The following TNS1 variants were observed in gnomAD, a reference collection of about 807,000 sequenced individuals.
The protein encoded by TNS1 is tensin-1.
In TNS1, 62 loss-of-function variants were observed where a neutral mutation model predicts 168.6. The ratio of observed to expected loss-of-function variants is 0.37; its 90% CI spans 0.30 to 0.45. The LOEUF is 0.45. TNS1 is among the 20% of genes least tolerant of loss of function. The pLI is 1.00. For synonymous variants in TNS1, 934 were observed against 933.2 expected (o/e 1.00, Z -0.02); for missense variants, 2,240 against 2,339.4 (o/e 0.96, Z 0.88).
chr2:218,002,357 T>C (rs549081373), intron 1 of TNS1, among the ~76,000 whole-genome samples: 2 of 152,260 alleles, frequency 1.3e-5, no homozygotes, highest in South Asian at 4.1e-4. Flanking sequence ...AGGGATGGAC[T>C]CTGAGAATTC....
chr2:217,841,906 T>A (rs757988146), intron 19 of TNS1: 1 of 588,122 alleles, frequency 1.7e-6, no homozygotes, highest in Non-Finnish European at 3.0e-6. Context: ...GTCCTTAAGA[T>A]GAACCTTCTC....
At chr2:217,967,101 C>T (rs574616631) in intron 3 of TNS1, among the ~76,000 whole-genome samples, 81 of 152,236 alleles carry the variant, frequency 5.3e-4, no homozygotes, top group South Asian at 3.5e-3. Flanking sequence ...GGGCGGATCA[C>T]GAGGTCAGGA....
intron 4 of TNS1, among the ~76,000 whole-genome samples, chr2:217,911,066 G>A (rs1355718824): frequency 6.6e-6 from 1 of 152,154 alleles, no homozygotes; most frequent in Admixed American, 6.5e-5. Flanking sequence ...GGGATGAAGT[G>A]GGTGGAGGCC....
intron 18 of TNS1, among the ~76,000 whole-genome samples, chr2:217,855,496 A>G (rs1948022773): frequency 6.6e-6 from 1 of 152,092 alleles, no homozygotes; most frequent in Non-Finnish European, 1.5e-5. Flanking sequence ...CAGAATGGTC[A>G]TTACTGATGT....
At chr2:218,012,649 A>G (rs1958716109), upstream of TNS1, among the ~76,000 whole-genome samples, 1 of 150,424 alleles carries the variant, frequency 6.6e-6, no homozygotes, top group Non-Finnish European at 1.5e-5. Flanking sequence ...CCCACCCCCC[A>G]TACCCCATAT....
chr2:217,943,087 GGGA>G (rs1391621046), intron 3 of TNS1, among the ~76,000 whole-genome samples: 10 of 152,142 alleles, frequency 6.6e-5, no homozygotes, highest in African/African-American at 2.2e-4. Context: ...TGGGGGGAGA[GGGA>G]GGAGCAGGGG....
intron 1 of TNS1, among the ~76,000 whole-genome samples, chr2:218,023,656 T>C (rs948738326): frequency 6.6e-6 from 1 of 152,192 alleles, no homozygotes; most frequent in Non-Finnish European, 1.5e-5. Context: ...ATGATCTCAC[T>C]AACCCTGTGA....
Position 217,919,773 on chromosome 2 carries a change from G to A in TNS1, c.228+422C>T, listed in dbSNP as rs139166104. 3.1e-3 allele frequency among the ~76,000 whole-genome samples: 479 copies of A among 152,316 alleles called. 5 individuals carry two copies. The highest frequency in any genetic ancestry group is 0.011 in the African/African-American group (458 of 41,586). On this transcript the variant is annotated intron_variant, in intron 4 of 32. Transcript: ENST00000682258. ...GGGGCTTAGAGGCAGAACAGAGGTC[G>A]CCTGTAGGGAAAAACTGCCCAGGTG...
At chr2:217,829,909 G>A (rs1041713653) in intron 22 of TNS1, 3 of 1,612,502 alleles carry the variant, frequency 1.9e-6, no homozygotes, top group Non-Finnish European at 2.5e-6. Context: ...AGAGAGGTGG[G>A]AGGAAGGAGA....
chr2:217,962,021 GTC>G (rs1362400702), intron 3 of TNS1, among the ~76,000 whole-genome samples: 4 of 152,186 alleles, frequency 2.6e-5, no homozygotes, highest in Admixed American at 1.3e-4. Flanking sequence ...TGCTACCTGA[GTC>G]TCTGGCCTAC....
rs1574500107 is a variant in TNS1 at position 217,800,686 on chromosome 2, G to A, written c.*3773C>T. 1 of 152,260 alleles carries A rather than the reference G, an allele frequency of 6.6e-6. No homozygotes were observed. 9.4% of individuals were successfully genotyped at this position (152,260 alleles called of 1,614,324 possible). On this transcript the variant is annotated 3_prime_UTR_variant, in exon 33 of 33. Transcript: ENST00000682258. ...GCCCCCCAACCTCTTGGAGGACCCC[G>A]AGTGTGGGGGCAGGATTGGGTGTCT... is the stretch of plus-strand genomic sequence containing the variant.
Position 217,804,477 on chromosome 2 carries a change from A to AT in TNS1, c.5501dup (p.Asn1834LysfsTer28). 1 of 1,614,104 alleles carries AT rather than the reference A, an allele frequency of 6.2e-7. No homozygotes were observed. Among genetic ancestry groups the AT allele is most frequent in the South Asian group, 1.1e-5 (1 of 91,078 alleles). On this transcript the variant is annotated frameshift_variant, in exon 33 of 33. Transcript: ENST00000682258. LOFTEE classifies it high-confidence loss of function. ...GCAGGGTTCATCTCTTTTGGCCGGC[A>AT]TTCAGCATGACCTTGGAGACGAAGT...
At chr2:217,898,233 T>C (rs1042467718) in intron 7 of TNS1, among the ~76,000 whole-genome samples, 1 of 152,228 alleles carries the variant, frequency 6.6e-6, no homozygotes, top group Non-Finnish European at 1.5e-5. Flanking sequence ...ACACCAATTC[T>C]TGGTTCCCAT....
chr2:217,989,208 G>A (rs1010409828), intron 2 of TNS1, among the ~76,000 whole-genome samples: 2 of 152,206 alleles, frequency 1.3e-5, no homozygotes, highest in Non-Finnish European at 2.9e-5. Context: ...CCTGGCAGCC[G>A]GGGAAAGAGG....
intron 3 of TNS1, among the ~76,000 whole-genome samples, chr2:217,928,212 C>T (rs1956137108): frequency 6.6e-6 from 1 of 152,250 alleles, no homozygotes; most frequent in East Asian, 1.9e-4. Flanking sequence ...GATTACAAGG[C>T]TTGCCTGAAA....
chr2:217,971,344 C>T (rs1161822885), intron 3 of TNS1, among the ~76,000 whole-genome samples: 1 of 152,238 alleles, frequency 6.6e-6, no homozygotes, highest in Admixed American at 6.5e-5. Context: ...CTTTTTGTGT[C>T]TGGCTTCTTT....
intron 3 of TNS1, among the ~76,000 whole-genome samples, chr2:217,924,476 A>T (rs1355017013): frequency 1.3e-5 from 2 of 152,252 alleles, no homozygotes; most frequent in East Asian, 3.8e-4. Flanking sequence ...CAGGAAGCAC[A>T]TCTTATCCGT....
intron 2 of TNS1, 38 bp from the exon 3 acceptor site, chr2:217,978,840 G>C (rs1676347741): frequency 1.4e-6 from 1 of 701,936 alleles, no homozygotes; most frequent in Non-Finnish European, 2.6e-6. Context: ...AGTTTTAGCC[G>C]CGAGGTATGA....
At chr2:217,915,137 T>C (rs1036759024) in intron 4 of TNS1, among the ~76,000 whole-genome samples, 2 of 152,190 alleles carry the variant, frequency 1.3e-5, no homozygotes, top group African/African-American at 4.8e-5. Context: ...TGCCTTGGGA[T>C]GAAATGCATC....
Sources: allele counts gnomAD v4.1 joint callset (sites outside exome capture counted in the v4.1 genomes callset), GRCh38; gene constraint gnomAD v4.1.1; transcripts MANE v1.5; gene names NCBI Gene and HGNC (gene_info 2026-07-23, HGNC 2026-07-21).